Variants in KAZN observed in about 807,000 individuals in gnomAD.
KAZN encodes the protein kazrin.
Under a neutral mutation model 87.4 loss-of-function variants are expected in KAZN, and 40 were observed. The observed-to-expected ratio is 0.46, with a 90% CI of 0.36 to 0.60. The LOEUF is 0.60. Among genes scored for constraint, KAZN ranks in the 20% least tolerant of loss-of-function variants. The pLI is 0.00. For missense variants in KAZN, 898 were observed against 1,073.9 expected (o/e 0.84, Z 2.29); for synonymous variants, 466 against 458.3 (o/e 1.02, Z -0.22).
intron 2 of KAZN, among the ~76,000 whole-genome samples, chr1:14,993,258 G>A (rs930922926): frequency 1.3e-4 from 20 of 151,302 alleles, no homozygotes; most frequent in African/African-American, 3.6e-4. Flanking sequence ...ACCTGAGGTC[G>A]GGAGTTCGAG....
intron 2 of KAZN, among the ~76,000 whole-genome samples, chr1:14,590,659 G>A (rs1211850374): frequency 6.6e-6 from 1 of 152,118 alleles, no homozygotes; most frequent in South Asian, 2.1e-4. Context: ...TGAAGAATGA[G>A]AGCTACCATC....
intron 2 of KAZN, among the ~76,000 whole-genome samples, chr1:15,025,975 G>A (rs1028206586): frequency 6.6e-6 from 1 of 152,008 alleles, no homozygotes; most frequent in African/African-American, 2.4e-5. Context: ...TATAAAGCAG[G>A]TTAAACTTTA....
rs776010506 is a variant in KAZN at position 14,071,274 on chromosome 1, A to G, written c.92-109161A>G. ...TTTGGGGAACTAGTAGGTCTCATCTATGTTTCTGACCCTGTGGACCCCCTG... is the reference window on the plus strand; with the variant it reads ...TTTGGGGAACTAGTAGGTCTCATCTGTGTTTCTGACCCTGTGGACCCCCTG... On this transcript the variant is annotated intron_variant, in intron 1 of 16. Transcript: ENST00000636203. Among the ~76,000 whole-genome samples the G allele has an allele frequency of 5.3e-5, 8 of 152,062 alleles. No individual in the cohort carries two copies. The East Asian group carries it at 1.4e-3, about 26-fold the overall frequency.
At chr1:13,979,886 G>A (rs1323304849) in intron 1 of KAZN, among the ~76,000 whole-genome samples, 5 of 144,896 alleles carry the variant, frequency 3.5e-5, no homozygotes, top group African/African-American at 5.1e-5. Context: ...AGCCATGATC[G>A]TGCCACTGCA....
chr1:14,946,580 A>G (rs192221645), intron 1 of KAZN, among the ~76,000 whole-genome samples: 65 of 152,192 alleles, frequency 4.3e-4, no homozygotes, highest in Non-Finnish European at 8.5e-4. Context: ...AATTCTTTAG[A>G]AAGCACGCGT....
intron 2 of KAZN, among the ~76,000 whole-genome samples, chr1:14,475,699 G>A (rs767547311): frequency 6.6e-6 from 1 of 152,126 alleles, no homozygotes; most frequent in Non-Finnish European, 1.5e-5. Context: ...TTTTAATATA[G>A]GGAGGGCTCT....
intron 1 of KAZN, among the ~76,000 whole-genome samples, chr1:14,810,424 G>A (rs1287629983): frequency 6.6e-6 from 1 of 152,036 alleles, no homozygotes; most frequent in Non-Finnish European, 1.5e-5. Flanking sequence ...TCCTCGTTGT[G>A]GCATCCTCAG....
chr1:15,004,860 AC>A (rs1668843520), intron 2 of KAZN, among the ~76,000 whole-genome samples: 1 of 152,212 alleles, frequency 6.6e-6, no homozygotes, highest in Non-Finnish European at 1.5e-5. Flanking sequence ...AGTACCCACC[AC>A]CTGGCATGAT....
At chr1:14,750,022 T>C (rs1252248242) in intron 1 of KAZN, among the ~76,000 whole-genome samples, 2 of 151,332 alleles carry the variant, frequency 1.3e-5, no homozygotes, top group Admixed American at 6.6e-5. Flanking sequence ...AAAAAAAAGG[T>C]GGGGGGTGCA....
intron 2 of KAZN, among the ~76,000 whole-genome samples, chr1:14,496,672 G>C (rs1263063956): frequency 6.6e-6 from 1 of 152,140 alleles, no homozygotes; most frequent in African/African-American, 2.4e-5. Context: ...TTTCAGCTCT[G>C]AAGCAGCTCG....
intron 2 of KAZN, among the ~76,000 whole-genome samples, chr1:14,236,658 C>T (rs1648450271): frequency 6.6e-6 from 1 of 152,292 alleles, no homozygotes; most frequent in Middle Eastern, 3.4e-3. Flanking sequence ...TGGCGCATGC[C>T]TGTAATCCCA....
chr1:14,804,338 G>A (rs1302640633), intron 1 of KAZN, among the ~76,000 whole-genome samples: 1 of 152,224 alleles, frequency 6.6e-6, no homozygotes, highest in Non-Finnish European at 1.5e-5. Context: ...TGGGCAGCCA[G>A]GATGCCAGGA....
intron 2 of KAZN, among the ~76,000 whole-genome samples, chr1:14,426,972 G>A (rs1665767638): frequency 6.6e-6 from 1 of 152,222 alleles, no homozygotes; most frequent in African/African-American, 2.4e-5. Context: ...ACCAGGCACA[G>A]AGCTAGGTAC....
intron 1 of KAZN, among the ~76,000 whole-genome samples, chr1:14,736,257 GTGTGTGTGTGTGTGTGTGTGT>G (rs1643897020): frequency 8.0e-5 from 8 of 99,530 alleles, no homozygotes; most frequent in Admixed American, 1.9e-4. Context: ...ACTCAAGGGT[GTGTGTGTGTGTGTGTGTGTGT>G]GTGTGTGTGT....
intron 2 of KAZN, among the ~76,000 whole-genome samples, chr1:14,372,968 G>A (rs1005225373): frequency 1.3e-5 from 2 of 152,082 alleles, no homozygotes; most frequent in African/African-American, 4.8e-5. Context: ...TAATACAAAA[G>A]AGCCTATGTA....
chr1:14,822,662 C>T (rs1335811819), intron 1 of KAZN, among the ~76,000 whole-genome samples: 2 of 152,212 alleles, frequency 1.3e-5, no homozygotes, highest in East Asian at 3.9e-4. Context: ...AGTATGTTTT[C>T]CCACATCACA....
chr1:14,434,190 G>C (rs1666246809), intron 2 of KAZN, among the ~76,000 whole-genome samples: 1 of 152,108 alleles, frequency 6.6e-6, no homozygotes, highest in South Asian at 2.1e-4. Flanking sequence ...CTGTTCACAG[G>C]CATTTGGATT....
At chr1:14,810,538 T>C (rs1646373642) in intron 1 of KAZN, among the ~76,000 whole-genome samples, 2 of 152,046 alleles carry the variant, frequency 1.3e-5, no homozygotes, top group Admixed American at 6.6e-5. Context: ...CTTTAATGAG[T>C]GTCCACTCCG....
intron 1 of KAZN, among the ~76,000 whole-genome samples, chr1:14,123,587 G>A (rs1381326150): frequency 6.6e-6 from 1 of 152,198 alleles, no homozygotes; most frequent in Non-Finnish European, 1.5e-5. Flanking sequence ...AGGTGAAGAA[G>A]GTTTCTGCTT....
Sources: gnomAD v4.1 joint callset for allele counts (sites outside exome capture counted in the v4.1 genomes callset) on GRCh38, gnomAD v4.1.1 for gene constraint, MANE v1.5 for transcripts, NCBI Gene and HGNC (gene_info 2026-07-23, HGNC 2026-07-21) for gene names.